Variants in CNTNAP4 observed in about 807,000 individuals in gnomAD.
CNTNAP4 encodes the protein contactin-associated protein-like 4.
CNTNAP4 carries 98 observed loss-of-function variants against 148.4 expected under a neutral mutation model. That is an observed-to-expected ratio of 0.66 (90% CI 0.56 to 0.78). The LOEUF is 0.78. Ranked by LOEUF, CNTNAP4 falls within the 30% of genes least tolerant of loss-of-function variation. The pLI, the probability that CNTNAP4 is intolerant of heterozygous loss-of-function variation, is 0.00. For synonymous variants in CNTNAP4, 730 were observed against 565.1 expected (o/e 1.29, Z -4.14); for missense variants, 1,935 against 1,565.6 (o/e 1.24, Z -3.98).
intron 1 of CNTNAP4, among the ~76,000 whole-genome samples, chr16:76,306,354 C>T (rs532053431): frequency 7.9e-5 from 12 of 152,226 alleles, no homozygotes; most frequent in South Asian, 6.2e-4. Context: ...TTTTCCACTG[C>T]GTATCAACAG....
chr16:76,348,741 T>C (rs983167474), intron 2 of CNTNAP4, among the ~76,000 whole-genome samples: 2 of 151,850 alleles, frequency 1.3e-5, no homozygotes, highest in Admixed American at 6.6e-5. Context: ...GCAGTTGCAG[T>C]TGAGTGGCAG....
intron 21 of CNTNAP4, among the ~76,000 whole-genome samples, chr16:76,551,726 A>G (rs1310915042): frequency 1.3e-5 from 2 of 152,160 alleles, no homozygotes; most frequent in Admixed American, 6.5e-5. Flanking sequence ...TAGCATGCAA[A>G]TCTTTTAGAA....
chr16:76,434,037 TATATATATGCACACACAC>T (rs2079716041), intron 4 of CNTNAP4, among the ~76,000 whole-genome samples: 1 of 150,722 alleles, frequency 6.6e-6, no homozygotes, highest in Admixed American at 6.6e-5. Flanking sequence ...GTGTGTTCTG[TATATATATGCACACACAC>T]ATATATAGAA....
intron 3 of CNTNAP4, among the ~76,000 whole-genome samples, chr16:76,426,992 A>G (rs765348057): frequency 6.6e-6 from 1 of 152,188 alleles, no homozygotes; most frequent in Non-Finnish European, 1.5e-5. Context: ...AATGAGTAAG[A>G]TGAGAAAGTG....
chr16:76,516,577 G>A (rs1393329937), intron 15 of CNTNAP4, among the ~76,000 whole-genome samples: 1 of 152,152 alleles, frequency 6.6e-6, no homozygotes, highest in Non-Finnish European at 1.5e-5. Context: ...CAGGGAACTG[G>A]CAACTTACGT....
At chr16:76,399,706 A>C (rs1329042030) in intron 3 of CNTNAP4, among the ~76,000 whole-genome samples, 1 of 152,198 alleles carries the variant, frequency 6.6e-6, no homozygotes. Flanking sequence ...CTGGTAATAG[A>C]AGTTAAAAAG....
At chr16:76,416,509 A>AT (rs35041908) in intron 3 of CNTNAP4, among the ~76,000 whole-genome samples, 52,798 of 151,020 alleles carry the variant, frequency 0.35, 10,888 homozygotes, top group Non-Finnish European at 0.44. Context: ...TGAAACTTCT[A>AT]TTTTTAACTT....
chr16:76,303,745 C>G (rs1960210576), intron 1 of CNTNAP4, among the ~76,000 whole-genome samples: 1 of 152,080 alleles, frequency 6.6e-6, no homozygotes, highest in African/African-American at 2.4e-5. Context: ...AGCTCTGAAG[C>G]TGAAGAGATG....
At chr16:76,401,748 T>G (rs1191556116) in intron 3 of CNTNAP4, among the ~76,000 whole-genome samples, 2 of 152,206 alleles carry the variant, frequency 1.3e-5, no homozygotes, top group African/African-American at 4.8e-5. Context: ...TTTTTTAACT[T>G]GAAAGGATGT....
At chr16:76,325,349 C>T (rs139445265) in intron 2 of CNTNAP4, among the ~76,000 whole-genome samples, 2 of 152,122 alleles carry the variant, frequency 1.3e-5, no homozygotes, top group Non-Finnish European at 1.5e-5. Flanking sequence ...ATATCTCCAA[C>T]TGCAGAATAC....
intron 1 of CNTNAP4, among the ~76,000 whole-genome samples, chr16:76,289,817 C>G (rs539372590): frequency 6.6e-6 from 1 of 152,180 alleles, no homozygotes; most frequent in Admixed American, 6.5e-5. Context: ...GTGATCCACC[C>G]GCCTCAGCCT....
At chr16:76,448,317 T>C in intron 5 of CNTNAP4, 102 bp downstream of exon 5, 1 of 778,908 alleles carries the variant, frequency 1.3e-6, no homozygotes, top group South Asian at 1.9e-5. Flanking sequence ...GAGTGCCTTA[T>C]TTTCAGATTC....
chr16:76,325,263 A>ATGTAATGTATATTTATATACTGTG (rs1567709925), intron 2 of CNTNAP4, among the ~76,000 whole-genome samples: 1 of 152,198 alleles, frequency 6.6e-6, no homozygotes, highest in Non-Finnish European at 1.5e-5. Context: ...AAATTAAAAT[A>ATGTAATGTATATTTATATACTGTG]TGTAATGTAT....
chr16:76,446,302 C>A (rs531747400), intron 4 of CNTNAP4, among the ~76,000 whole-genome samples: 11 of 152,220 alleles, frequency 7.2e-5, no homozygotes, highest in Non-Finnish European at 1.6e-4. Flanking sequence ...AGCCAGCTTA[C>A]CAGTTGAAAA....
chr16:76,521,701 A>G (rs1170074503), intron 16 of CNTNAP4, among the ~76,000 whole-genome samples: 1 of 152,220 alleles, frequency 6.6e-6, no homozygotes, highest in Non-Finnish European at 1.5e-5. Flanking sequence ...TTACTGTAAC[A>G]GTTATTTTTA....
chr16:76,550,689 C>G (rs905695722), intron 21 of CNTNAP4, among the ~76,000 whole-genome samples: 2 of 140,790 alleles, frequency 1.4e-5, no homozygotes, highest in East Asian at 4.2e-4. Context: ...AAAAAAAAAA[C>G]TCCAAATCAA....
chr16:76,513,408 A>G (rs922239216), intron 15 of CNTNAP4, among the ~76,000 whole-genome samples: 1 of 152,164 alleles, frequency 6.6e-6, no homozygotes, highest in Non-Finnish European at 1.5e-5. Flanking sequence ...GAGTGTGCAC[A>G]CTTGGCATCA....
At chr16:76,419,808 C>G (rs113155825) in intron 3 of CNTNAP4, among the ~76,000 whole-genome samples, 2,733 of 152,018 alleles carry the variant, frequency 0.018, 66 homozygotes, top group African/African-American at 0.063. Flanking sequence ...GGTTAGGGTC[C>G]TATTTGTGGT....
At chr16:76,317,281 A>C (rs1338872847) in intron 2 of CNTNAP4, among the ~76,000 whole-genome samples, 2 of 118,354 alleles carry the variant, frequency 1.7e-5, no homozygotes, top group East Asian at 4.2e-4. Context: ...AAAAAACCAA[A>C]AAAAAAAAAA....
Sources: gnomAD v4.1 joint callset for allele counts (sites outside exome capture counted in the v4.1 genomes callset) on GRCh38, gnomAD v4.1.1 for gene constraint, MANE v1.5 for transcripts, NCBI Gene and HGNC (gene_info 2026-07-23, HGNC 2026-07-21) for gene names.